Variants in RBFOX1 observed in about 807,000 individuals in gnomAD.
RBFOX1 encodes the protein RNA binding fox-1 homolog 1.
RBFOX1 carries 8 observed loss-of-function variants against 57.7 expected under a neutral mutation model. That is an observed-to-expected ratio of 0.14 (90% CI 0.08 to 0.25). The LOEUF (loss-of-function observed/expected upper bound fraction) is 0.25, where lower values mean the gene tolerates loss of function less well. Among genes scored for constraint, RBFOX1 ranks in the 10% least tolerant of loss-of-function variants. RBFOX1 has a pLI of 1.00. For missense variants in RBFOX1, 611 were observed against 548.5 expected (o/e 1.11, Z -1.14); for synonymous variants, 326 against 222.4 (o/e 1.47, Z -4.15).
At chr16:6,772,146 G>A (rs547515453) in intron 3 of RBFOX1, among the ~76,000 whole-genome samples, 2 of 152,108 alleles carry the variant, frequency 1.3e-5, no homozygotes, top group African/African-American at 4.8e-5. Flanking sequence ...TTTGTGGTCT[G>A]TTGGTGGTTC....
At chr16:6,874,370 C>T (rs563740455) in intron 3 of RBFOX1, among the ~76,000 whole-genome samples, 1 of 151,902 alleles carries the variant, frequency 6.6e-6, no homozygotes, top group Non-Finnish European at 1.5e-5. Flanking sequence ...ATTAGCCAGG[C>T]ATATTGGCAG....
At chr16:7,484,033 A>G (rs995824685) in intron 4 of RBFOX1, among the ~76,000 whole-genome samples, 1 of 152,134 alleles carries the variant, frequency 6.6e-6, no homozygotes, top group Admixed American at 6.5e-5. Context: ...GGCAAGTATT[A>G]ATCAGCTTTC....
At chr16:7,491,920 C>G (rs115705548) in intron 4 of RBFOX1, among the ~76,000 whole-genome samples, 3 of 152,004 alleles carry the variant, frequency 2.0e-5, no homozygotes, top group African/African-American at 7.3e-5. Context: ...TTCATTGTAC[C>G]ACTCCGTGTG....
intron 3 of RBFOX1, among the ~76,000 whole-genome samples, chr16:6,834,183 C>A (rs1666188277): frequency 6.6e-6 from 1 of 152,018 alleles, no homozygotes; most frequent in African/African-American, 2.4e-5. Context: ...AAGTGATTGT[C>A]CTGCCTCAGC....
chr16:6,262,535 T>C (rs2097707744), intron 1 of RBFOX1, among the ~76,000 whole-genome samples: 1 of 152,178 alleles, frequency 6.6e-6, no homozygotes, highest in Non-Finnish European at 1.5e-5. Context: ...TAAACATTGG[T>C]TAAAACTATG....
At chr16:5,575,002 C>T (rs1002973654) in intron 2 of RBFOX1, among the ~76,000 whole-genome samples, 2 of 152,258 alleles carry the variant, frequency 1.3e-5, no homozygotes, top group East Asian at 3.9e-4. Context: ...CCCTGGCTAA[C>T]CAGATAACAA....
At chr16:6,275,392 A>C (rs944558668) in intron 1 of RBFOX1, among the ~76,000 whole-genome samples, 7 of 152,222 alleles carry the variant, frequency 4.6e-5, no homozygotes, top group African/African-American at 1.7e-4. Flanking sequence ...CTGTAATAAC[A>C]ACTGGTGGTA....
intron 1 of RBFOX1, among the ~76,000 whole-genome samples, chr16:5,324,767 A>T (rs1021201178): frequency 1.1e-4 from 16 of 152,190 alleles, no homozygotes; most frequent in African/African-American, 3.9e-4. Flanking sequence ...GAACTCACGG[A>T]CACATAGAGG....
chr16:6,221,683 C>T (rs2097374362), intron 1 of RBFOX1, among the ~76,000 whole-genome samples: 1 of 152,152 alleles, frequency 6.6e-6, no homozygotes, highest in Admixed American at 6.6e-5. Flanking sequence ...GTGGCTGGGA[C>T]ACCTCACAGT....
At chr16:5,743,272 G>T (rs1814837844) in intron 3 of RBFOX1, among the ~76,000 whole-genome samples, 3 of 152,182 alleles carry the variant, frequency 2.0e-5, no homozygotes, top group Non-Finnish European at 1.5e-5. Flanking sequence ...GGGACTGGGT[G>T]GGCACCTTCT....
chr16:5,630,903 T>A (rs947671977), intron 3 of RBFOX1, among the ~76,000 whole-genome samples: 6 of 152,260 alleles, frequency 3.9e-5, no homozygotes, highest in Non-Finnish European at 5.9e-5. Context: ...ATGTTTTTTT[T>A]AGTTGGTTTC....
At chr16:7,136,088 C>A (rs924527855) in intron 4 of RBFOX1, among the ~76,000 whole-genome samples, 2 of 152,148 alleles carry the variant, frequency 1.3e-5, no homozygotes, top group African/African-American at 4.8e-5. Flanking sequence ...AGACTAAACA[C>A]CTTGCAGGCA....
At chr16:6,745,416 A>G (rs1313080772) in intron 3 of RBFOX1, among the ~76,000 whole-genome samples, 1 of 152,170 alleles carries the variant, frequency 6.6e-6, no homozygotes, top group Non-Finnish European at 1.5e-5. Context: ...CAACAAGCAA[A>G]TGAAATCTAT....
chr16:6,800,195 A>G (rs984860011), intron 3 of RBFOX1, among the ~76,000 whole-genome samples: 12 of 145,858 alleles, frequency 8.2e-5, no homozygotes, highest in Admixed American at 8.0e-4. Flanking sequence ...ATTGAAAACA[A>G]GTCTTGCTGT....
chr16:5,781,299 A>G (rs1394331561), intron 3 of RBFOX1, among the ~76,000 whole-genome samples: 1 of 152,170 alleles, frequency 6.6e-6, no homozygotes, highest in Non-Finnish European at 1.5e-5. Flanking sequence ...CTTAAGGTTT[A>G]TCCATAGCCT....
intron 2 of RBFOX1, among the ~76,000 whole-genome samples, chr16:5,518,767 A>T (rs1000677175): frequency 1.3e-5 from 2 of 152,118 alleles, no homozygotes; most frequent in African/African-American, 4.8e-5. Context: ...GCACAAACGT[A>T]TTATAAGGAA....
intron 4 of RBFOX1, among the ~76,000 whole-genome samples, chr16:5,969,763 C>G (rs554960607): frequency 5.3e-5 from 8 of 151,984 alleles, no homozygotes; most frequent in Non-Finnish European, 1.2e-4. Flanking sequence ...CGATGTCTGT[C>G]CCCTCCTCCT....
chr16:7,393,286 C>T (rs967479370), intron 4 of RBFOX1, among the ~76,000 whole-genome samples: 2 of 152,266 alleles, frequency 1.3e-5, no homozygotes, highest in South Asian at 2.1e-4. Flanking sequence ...AGACCTTAAT[C>T]CTTAAGTTTG....
rs567030055 is a variant in RBFOX1, at chr16:6,709,965, C to T, written c.-16+55315C>T. Among the ~76,000 whole-genome samples the T allele has an allele frequency of 2.0e-4, 30 of 152,180 alleles. No individual in the cohort carries two copies. The East Asian group carries it at 4.6e-3, about 24-fold the overall frequency. ...CTTGGCAATTTTGTGAGTTGGCAGACGGCACAGCCACCTGTGCTCAATGTG... is the reference window on the plus strand; with the variant it reads ...CTTGGCAATTTTGTGAGTTGGCAGATGGCACAGCCACCTGTGCTCAATGTG... On this transcript the variant is annotated intron_variant, in intron 3 of 15. Coordinates refer to ENST00000550418, the MANE Select transcript of RBFOX1 (RefSeq NM_018723.4).
Sources: allele counts gnomAD v4.1 joint callset (sites outside exome capture counted in the v4.1 genomes callset), GRCh38; gene constraint gnomAD v4.1.1; transcripts MANE v1.5; gene names NCBI Gene and HGNC (gene_info 2026-07-23, HGNC 2026-07-21).